Variants in CDH13 observed in about 807,000 individuals in gnomAD.
The protein encoded by CDH13 is cadherin 13.
In CDH13, 24 loss-of-function variants were observed where a neutral mutation model predicts 63.8. The observed-to-expected ratio is 0.38, with a 90% confidence interval of 0.27 to 0.53. CDH13 has a LOEUF of 0.53. Among genes scored for constraint, CDH13 ranks in the 20% least tolerant of loss-of-function variants. CDH13 has a pLI of 0.85. For missense variants in CDH13, 1,049 were observed against 903.1 expected, an observed-to-expected ratio of 1.16 and a Z score of -2.07; for synonymous variants, 503 against 355.3, an observed-to-expected ratio of 1.42 and a Z score of -4.67.
intron 1 of CDH13, among the ~76,000 whole-genome samples, chr16:82,822,857 TCA>T (rs1179049433): frequency 6.6e-6 from 1 of 152,220 alleles, no homozygotes; most frequent in Non-Finnish European, 1.5e-5. Context: ...TTATCGTCTC[TCA>T]CAGTGTAGGG....
intron 2 of CDH13, among the ~76,000 whole-genome samples, chr16:82,901,471 T>C (rs2041467179): frequency 6.6e-6 from 1 of 151,864 alleles, no homozygotes; most frequent in Non-Finnish European, 1.5e-5. Context: ...GAGATAGCCG[T>C]GTAAAGCTAA....
At chr16:83,191,468 T>TATAG (rs1275920344) in intron 4 of CDH13, among the ~76,000 whole-genome samples, 9 of 117,966 alleles carry the variant, frequency 7.6e-5, no homozygotes, top group African/African-American at 2.8e-4. Context: ...AATATATATA[T>TATAG]ATATATATAT....
intron 1 of CDH13, among the ~76,000 whole-genome samples, chr16:82,635,781 G>C (rs537379824): frequency 6.6e-6 from 1 of 152,148 alleles, no homozygotes; most frequent in Non-Finnish European, 1.5e-5. Flanking sequence ...TAATGTTGGA[G>C]GTGAAGCCCA....
chr16:82,744,919 C>G (rs1030587104), intron 1 of CDH13, among the ~76,000 whole-genome samples: 1 of 152,182 alleles, frequency 6.6e-6, no homozygotes, highest in African/African-American at 2.4e-5. Context: ...GGCCACCATA[C>G]AGGGCTGCCT....
intron 7 of CDH13, among the ~76,000 whole-genome samples, chr16:83,568,228 A>T (rs995190580): frequency 6.6e-6 from 1 of 152,230 alleles, no homozygotes; most frequent in Non-Finnish European, 1.5e-5. Context: ...ATCTGTCTGC[A>T]TTTCAGAGCT....
At chr16:83,174,847 G>C (rs545136999) in intron 4 of CDH13, among the ~76,000 whole-genome samples, 2 of 152,210 alleles carry the variant, frequency 1.3e-5, no homozygotes, top group South Asian at 2.1e-4. Context: ...AGGAGAGAGA[G>C]AGAAAAAGAG....
intron 7 of CDH13, among the ~76,000 whole-genome samples, chr16:83,594,067 T>A (rs766490759): frequency 5.3e-5 from 8 of 152,220 alleles, no homozygotes; most frequent in Non-Finnish European, 8.8e-5. Flanking sequence ...GTGTTCAGAA[T>A]CTGCTGTCTT....
intron 2 of CDH13, among the ~76,000 whole-genome samples, chr16:82,927,845 A>T (rs1333154674): frequency 6.6e-6 from 1 of 152,222 alleles, no homozygotes; most frequent in African/African-American, 2.4e-5. Flanking sequence ...GACCAGTGCT[A>T]ATGAGTTACT....
chr16:83,582,090 A>T (rs1030964224), intron 7 of CDH13, among the ~76,000 whole-genome samples: 3 of 152,130 alleles, frequency 2.0e-5, no homozygotes, highest in African/African-American at 7.2e-5. Flanking sequence ...TCTCTCCTGA[A>T]CACAGGGTTG....
chr16:82,793,634 T>C (rs765018893), intron 1 of CDH13, among the ~76,000 whole-genome samples: 11 of 152,112 alleles, frequency 7.2e-5, no homozygotes, highest in Non-Finnish European at 1.5e-4. Context: ...TTATGCCCGA[T>C]ATAGTAACAG....
At chr16:83,501,459 A>AC (rs5818450) in intron 7 of CDH13, among the ~76,000 whole-genome samples, 152,261 of 152,368 alleles carry the variant, frequency 1, 76,077 homozygotes, top group Non-Finnish European at 1. Context: ...GAGTCAAGAG[A>AC]TTCTCCATTC....
chr16:82,893,882 C>G (rs1429200342), intron 2 of CDH13, among the ~76,000 whole-genome samples: 1 of 152,186 alleles, frequency 6.6e-6, no homozygotes, highest in African/African-American at 2.4e-5. Context: ...TTCCACTGGT[C>G]CAAGTGACAT....
chr16:82,931,715 G>C (rs574429766), intron 2 of CDH13, among the ~76,000 whole-genome samples: 2 of 152,204 alleles, frequency 1.3e-5, no homozygotes, highest in South Asian at 2.1e-4. Context: ...GCAGACAAGA[G>C]AGAAAATGAG....
At chr16:83,375,712 T>G (rs2091447871) in intron 6 of CDH13, among the ~76,000 whole-genome samples, 1 of 152,170 alleles carries the variant, frequency 6.6e-6, no homozygotes. Flanking sequence ...AGGCAGAAAG[T>G]GATTGGTAAT....
intron 2 of CDH13, among the ~76,000 whole-genome samples, chr16:83,025,619 G>C (rs1164443352): frequency 6.6e-6 from 1 of 152,084 alleles, no homozygotes; most frequent in Non-Finnish European, 1.5e-5. Context: ...ATTTTGGTGG[G>C]GACACAGCCA....
chr16:83,107,628 G>C (rs535130778), intron 3 of CDH13, among the ~76,000 whole-genome samples: 3 of 152,084 alleles, frequency 2.0e-5, no homozygotes, highest in Non-Finnish European at 2.9e-5. Context: ...AGCATTCACA[G>C]TATGAGAGGC....
chr16:83,511,309 AAATT>A (rs2074558708), intron 7 of CDH13, among the ~76,000 whole-genome samples: 1 of 152,144 alleles, frequency 6.6e-6, no homozygotes, highest in Non-Finnish European at 1.5e-5. Flanking sequence ...TAAAAATACA[AAATT>A]TAGCCAGGTG....
chr16:83,554,836 A>G (rs1376371888), intron 7 of CDH13, among the ~76,000 whole-genome samples: 2 of 151,390 alleles, frequency 1.3e-5, no homozygotes, highest in African/African-American at 2.4e-5. Flanking sequence ...CTTCAAAAAC[A>G]TTTGTCTTTC....
At chr16:83,025,816 T>G (rs886686193) in intron 2 of CDH13, among the ~76,000 whole-genome samples, 6 of 152,194 alleles carry the variant, frequency 3.9e-5, no homozygotes, top group African/African-American at 1.4e-4. Flanking sequence ...ACCTGGCACC[T>G]TGACAAAGAG....
Sources: allele counts gnomAD v4.1 joint callset (sites outside exome capture counted in the v4.1 genomes callset), GRCh38; gene constraint gnomAD v4.1.1; transcripts MANE v1.5; gene names NCBI Gene and HGNC (gene_info 2026-07-23, HGNC 2026-07-21).